Variants in NPEPL1 observed in about 807,000 individuals in gnomAD.
NPEPL1 encodes aminopeptidase like 1.
In NPEPL1, 45 loss-of-function variants were observed where a neutral mutation model predicts 52.4. The observed-to-expected ratio is 0.86, with a 90% confidence interval of 0.68 to 1.10. The LOEUF is 1.10. NPEPL1 is among the 50% of genes least tolerant of loss of function. The pLI is 0.00. For synonymous variants in NPEPL1, 360 were observed against 314.7 expected (o/e 1.14, Z -1.52); for missense variants, 696 against 710.9 (o/e 0.98, Z 0.24).
chr20:58,715,516 G>T lies in NPEPL1; in HGVS notation c.*190G>T. 5.2e-6 allele frequency: 3 copies of T among 574,520 alleles called. No homozygotes were observed. Among genetic ancestry groups the T allele is most frequent in the Non-Finnish European group, 8.8e-6 (3 of 339,144 alleles). The allele number at this position is 574,520 out of a possible 1,614,324, so 35.6% of individuals were successfully genotyped here. On this transcript the variant is annotated 3_prime_UTR_variant, in exon 12 of 12. Coordinates refer to ENST00000356091, the MANE Select transcript of NPEPL1 (RefSeq NM_024663.4). ...GTGCGGGCCACGGGGAGGGGACCGG[G>T]AAGCGCTGGGGCTTGTTTCTGTTTG...
intron 10 of NPEPL1, 52 bp from the exon 11 acceptor site, chr20:58,714,508 G>C: frequency 7.4e-7 from 1 of 1,349,136 alleles, no homozygotes; most frequent in Non-Finnish European, 1.0e-6. Flanking sequence ...GCAGGGTGGA[G>C]AGGGCCCGGC....
At chr20:58,700,831 T>C (rs1373120188) in intron 5 of NPEPL1, among the ~76,000 whole-genome samples, 185 bp from the exon 6 acceptor site, 2 of 152,174 alleles carry the variant, frequency 1.3e-5, no homozygotes, top group Non-Finnish European at 2.9e-5. Context: ...ATCTCAGACA[T>C]TGGAGCTAAT....
chr20:58,706,798 A>G lies in NPEPL1; in HGVS notation c.823-325A>G, dbSNP rs575440711. ...CCTGTTTCAATGTCAGAGCCCGGCC[A>G]CAGCGAATTCTGCAGCTCCGGGCAT... On this transcript the variant is annotated intron_variant, in intron 6 of 11. Coordinates refer to ENST00000356091, the MANE Select transcript of NPEPL1 (RefSeq NM_024663.4). Among the ~76,000 whole-genome samples the G allele has an allele frequency of 3.9e-5, 6 of 152,330 alleles. 1 individual carries two copies. The East Asian group carries it at 1.2e-3, about 29-fold the overall frequency.
At chr20:58,703,706 C>CAGTT (rs1010987335) in intron 6 of NPEPL1, 6 of 984,538 alleles carry the variant, frequency 6.1e-6, no homozygotes, top group South Asian at 9.4e-5. Flanking sequence ...TAGACCTGTG[C>CAGTT]AGTTAGTCAG....
rs997894151 is a variant in NPEPL1 at position 58,707,915 on chromosome 20, T to TA, written c.900+724dup. On this transcript the variant is annotated intron_variant, in intron 7 of 11. Coordinates refer to ENST00000356091, the MANE Select transcript of NPEPL1 (RefSeq NM_024663.4). ...GCAACCTTGCAAGACCCCGTTTCTA[T>TA]AAAAAAAAATTTAAAAACTAGCCAG... is the stretch of plus-strand genomic sequence containing the variant. Among the ~76,000 whole-genome samples, 43 of 151,866 alleles carry TA rather than the reference T, an allele frequency of 2.8e-4. No homozygotes were observed. In the South Asian group the frequency reaches 6.2e-3, roughly 22 times the overall value.
Position 58,713,708 on chromosome 20 carries a change from T to A in NPEPL1, c.1125+165T>A. 1 of 1,138,194 alleles carries A rather than the reference T, an allele frequency of 8.8e-7. No individual in the cohort carries two copies. Among genetic ancestry groups the A allele is most frequent in the South Asian group, 1.8e-5 (1 of 55,910 alleles). 70.5% of individuals were successfully genotyped at this position (1,138,194 alleles called of 1,614,324 possible). On this transcript the variant is annotated intron_variant, in intron 9 of 11. Transcript: ENST00000356091. This position sits in a 1 kb window ranked among gnomAD's most constrained non-coding sequence, Gnocchi z 4.6. ...TGCCCGTCAAGCTTGGTGTGGGCAG[T>A]ACCGAGGCCCAGGCTGGATGCAGAG...
intron 6 of NPEPL1, among the ~76,000 whole-genome samples, chr20:58,706,039 C>A (rs1304937349): frequency 4.6e-5 from 7 of 152,286 alleles, no homozygotes; most frequent in African/African-American, 1.7e-4. Flanking sequence ...AAATTTCATA[C>A]CCAAACCTTT....
At position 58,712,686 on chromosome 20, in the gene NPEPL1, G is replaced by A. The variant is rs1012091873; in HGVS notation, c.1001+107G>A. The A allele has an allele frequency of 6.1e-6, 5 of 816,412 alleles. No homozygotes were observed. In the African/African-American group the frequency reaches 6.7e-5, roughly 11 times the overall value. 50.6% of individuals were successfully genotyped at this position (816,412 alleles called of 1,614,324 possible). A position where few individuals can be genotyped will look rare whatever the true frequency, so the allele number is the denominator to read the frequency against. Reference sequence around the variant, plus strand: ...GCATATCGGGAGGGCACTCAGCGTTGGGGTCCCCTGGGCAGCAGGCTCCTT... The same window carrying A: ...GCATATCGGGAGGGCACTCAGCGTTAGGGTCCCCTGGGCAGCAGGCTCCTT... On this transcript the variant is annotated intron_variant, in intron 8 of 11. Transcript: ENST00000356091.
chr20:58,700,304 TACCC>T (rs1215409319), intron 5 of NPEPL1, among the ~76,000 whole-genome samples: 14 of 152,198 alleles, frequency 9.2e-5, no homozygotes, highest in Non-Finnish European at 1.8e-4. Flanking sequence ...AGGACATGAA[TACCC>T]AGACGTGGGG....
In NPEPL1 at chr20:58,715,220, GT is replaced by G; in HGVS notation, c.1467del (p.Ala490ProfsTer7). The part of the protein sequence containing the change: ...GVALLLALFG[R>X]ASEDPLLNLV... ...GCCCTCCTGCTGGCGCTCTTCGGCCGTGCCTCTGAGGACCCTCTGCTGAACC... is the reference window on the plus strand; with the variant it reads ...GCCCTCCTGCTGGCGCTCTTCGGCCGGCCTCTGAGGACCCTCTGCTGAACC... On this transcript the variant is annotated frameshift_variant, in exon 12 of 12. Transcript: ENST00000356091. LOFTEE classifies it high-confidence loss of function. 1 of 1,608,564 alleles carries G rather than the reference GT, an allele frequency of 6.2e-7. No homozygotes were observed. The highest frequency in any genetic ancestry group is 8.5e-7 in the Non-Finnish European group (1 of 1,178,720).
At chr20:58,697,425 C>T (rs1194783258) in intron 3 of NPEPL1, among the ~76,000 whole-genome samples, 1 of 152,260 alleles carries the variant, frequency 6.6e-6, no homozygotes, top group African/African-American at 2.4e-5. Context: ...AACCCGCTGA[C>T]AGGCGGCAGG....
intron 6 of NPEPL1, chr20:58,705,581 C>T (rs1200357608): frequency 4.4e-6 from 2 of 455,360 alleles, no homozygotes; most frequent in Admixed American, 2.4e-5. Context: ...TAAGTGTCAG[C>T]CCCGTGAAAA....
chr20:58,699,121 C>T (rs1232359402), intron 4 of NPEPL1, 76 bp from the exon 5 acceptor site: 8 of 1,391,480 alleles, frequency 5.7e-6, no homozygotes, highest in Non-Finnish European at 8.0e-6. Flanking sequence ...CATCCCTGGC[C>T]CCAGCCTCGG....
chr20:58,714,595 C>A lies in NPEPL1; in HGVS notation c.1338C>A (p.Leu446=). The part of the protein sequence containing the change: ...RDNSPSSCAG[L]FIASHIGFDW... ...ACAGCCCCAGCTCCTGTGCTGGCCT[C>A]TTCATCGCCTCACACATCGGCTTCG... Residue 446 remains leucine (L), a synonymous_variant, in exon 11 of 12, where the codon CTC becomes CTA. Coordinates refer to ENST00000356091, the MANE Select transcript of NPEPL1 (RefSeq NM_024663.4). 1 of 1,594,806 alleles carries A rather than the reference C, an allele frequency of 6.3e-7. No homozygotes were observed. Among genetic ancestry groups the A allele is most frequent in the Non-Finnish European group, 8.5e-7 (1 of 1,172,594 alleles).
Position 58,707,133 on chromosome 20 carries a change from C to A in NPEPL1, c.833C>A (p.Pro278Gln), listed in dbSNP as rs1193972912. ...TTGTACCACCCGCAGACTACCATGC[C>A]GGGGATGAAGCGAGACTGCGGGGGT... is the stretch of plus-strand genomic sequence containing the variant. Reference protein sequence around the residue: ...GLSIKGKTTMPGMKRDCGGAA... With the variant: ...GLSIKGKTTMQGMKRDCGGAA... The change falls in exon 7 of 12, where the codon CCG becomes CAG. Residue 278 changes from proline to glutamine, a missense_variant. Pro to Gln is a moderately conservative substitution (Grantham distance 76). Coordinates refer to ENST00000356091, the MANE Select transcript of NPEPL1 (RefSeq NM_024663.4). 6.4e-7 allele frequency: 1 copy of A among 1,552,060 alleles called. No homozygotes were observed. The highest frequency in any genetic ancestry group is 2.0e-5 in the Admixed American group (1 of 51,164).
chr20:58,702,565 C>T (rs1453700780), intron 6 of NPEPL1, among the ~76,000 whole-genome samples: 1 of 152,036 alleles, frequency 6.6e-6, no homozygotes, highest in Non-Finnish European at 1.5e-5. Context: ...AACATGCCTC[C>T]CTATGGGTCT....
chr20:58,712,509 TG>T lies in NPEPL1; in HGVS notation c.932del (p.Cys311SerfsTer61). 2 of 1,613,674 alleles carry T rather than the reference TG, an allele frequency of 1.2e-6. No homozygotes were observed. Among genetic ancestry groups the T allele is most frequent in the Non-Finnish European group, 1.7e-6 (2 of 1,179,804 alleles). On this transcript the variant is annotated frameshift_variant, in exon 8 of 12. Transcript: ENST00000356091. LOFTEE classifies it high-confidence loss of function. ...CAAAGACAACCTCCACGCTGTGTTC[TG>T]CTTGGCTGAGAACTCGGTGGGGCCC... ...GFKDNLHAVF[C>X]LAENSVGPNA...
At chr20:58,712,031 A>G (rs751073525) in intron 7 of NPEPL1, among the ~76,000 whole-genome samples, 12 of 152,214 alleles carry the variant, frequency 7.9e-5, no homozygotes, top group Non-Finnish European at 1.5e-4. Context: ...CAGTGAACAA[A>G]TGACTTTTGG....
At position 58,698,724 on chromosome 20, in the gene NPEPL1, G is replaced by T; in HGVS notation, c.548G>T (p.Arg183Leu). 1 of 1,612,762 alleles carries T rather than the reference G, an allele frequency of 6.2e-7. No individual in the cohort carries two copies. The highest frequency in any genetic ancestry group is 1.1e-5 in the South Asian group (1 of 91,088). ...ACAGACGGCGTGCGGCTAGCAGCCC[G>T]CATCGTGGACACACCCTGCAATGAG... ...NATDGVRLAA[R>L]IVDTPCNEMN... Residue 183 changes from arginine (R) to leucine (L), a missense_variant, in exon 4 of 12, where the codon CGC (arginine) becomes CTC (leucine). Transcript: ENST00000356091.
Sources: allele counts gnomAD v4.1 joint callset (sites outside exome capture counted in the v4.1 genomes callset), GRCh38; gene constraint gnomAD v4.1.1; non-coding constraint Gnocchi (gnomAD v3.1); transcripts MANE v1.5; gene names NCBI Gene and HGNC (gene_info 2026-07-23, HGNC 2026-07-21).